Variants in TPP1 observed in about 807,000 individuals in gnomAD.
The protein encoded by TPP1 is tripeptidyl peptidase 1.
TPP1 carries 43 observed loss-of-function variants against 67.6 expected under a neutral mutation model. That is an observed-to-expected ratio of 0.64 (90% CI 0.50 to 0.82). TPP1 has a LOEUF of 0.82. Among genes scored for constraint, TPP1 ranks in the 40% least tolerant of loss-of-function variants. The pLI is 0.00. For missense variants in TPP1, 671 were observed against 710.9 expected (o/e 0.94, Z 0.64); for synonymous variants, 272 against 281.5 (o/e 0.97, Z 0.34).
In TPP1 at chr11:6,614,193, C is replaced by A; in HGVS notation, c.*353G>T. The A allele has an allele frequency of 3.0e-6, 1 of 333,290 alleles. No homozygotes were observed. Among genetic ancestry groups the A allele is most frequent in the Admixed American group, 4.3e-5 (1 of 23,016 alleles). The allele number at this position is 333,290 out of a possible 1,614,324, so 20.6% of individuals were successfully genotyped here. On this transcript the variant is annotated 3_prime_UTR_variant, in exon 13 of 13. Coordinates refer to ENST00000299427, the MANE Select transcript of TPP1 (RefSeq NM_000391.4). ...AACGGTGACAGTAGAGGTCTCCTTG[C>A]AGTGAATTGGGGAATGAATATCAAG...
At chr11:6,619,158 G>A (rs1217095692) in intron 2 of TPP1, 38 bp downstream of exon 2, 1 of 1,611,448 alleles carries the variant, frequency 6.2e-7, no homozygotes, top group South Asian at 1.1e-5. Context: ...GCAGAACAGG[G>A]TATGGGGAAG....
At chr11:6,619,305 T>A (rs1196973096) in intron 1 of TPP1, 38 bp from the exon 2 acceptor site, 1 of 1,614,044 alleles carries the variant, frequency 6.2e-7, no homozygotes, top group East Asian at 2.2e-5. Context: ...GGGAGCTACG[T>A]TGTCCTTGTG....
chr11:6,617,284 C>T lies in TPP1; in HGVS notation c.508+17G>A, dbSNP rs1413034880. The stretch of plus-strand genomic sequence containing the variant: ...GGATCTGTGTGCCCCAACCCCCATT[C>T]ACCCCATAGGTGTTACCAAAGTCCA... On this transcript the variant is annotated intron_variant, in intron 5 of 12. Coordinates refer to ENST00000299427, the MANE Select transcript of TPP1 (RefSeq NM_000391.4). 1.9e-6 allele frequency: 3 copies of T among 1,613,950 alleles called. No homozygotes were observed. Among genetic ancestry groups the T allele is most frequent in the Admixed American group, 1.7e-5 (1 of 60,000 alleles).
chr11:6,614,538 G>A lies in TPP1; in HGVS notation c.*8C>T. 6.2e-7 allele frequency: 1 copy of A among 1,614,170 alleles called. No individual in the cohort carries two copies. Among genetic ancestry groups the A allele is most frequent in the Non-Finnish European group, 8.5e-7 (1 of 1,180,032 alleles). On this transcript the variant is annotated 3_prime_UTR_variant, in exon 13 of 13. Coordinates refer to ENST00000299427, the MANE Select transcript of TPP1 (RefSeq NM_000391.4). ...AGGGGACAAGCCATCTCTCCTGATAGGAAAGGGTCAGGGGTTGAGTAGAGT... is the reference window on the plus strand; with the variant it reads ...AGGGGACAAGCCATCTCTCCTGATAAGAAAGGGTCAGGGGTTGAGTAGAGT...
chr11:6,614,007 G>C lies in TPP1; in HGVS notation c.*539C>G, dbSNP rs1257622882. On this transcript the variant is annotated 3_prime_UTR_variant, in exon 13 of 13. Coordinates refer to ENST00000299427, the MANE Select transcript of TPP1 (RefSeq NM_000391.4). The stretch of plus-strand genomic sequence containing the variant: ...AAGGTCAGCATTCCATGAAGAAGCA[G>C]AAATTGATGAGAGAGGAAGACAAGA... 1 of 162,228 alleles carries C rather than the reference G, an allele frequency of 6.2e-6. No homozygotes were observed. The highest frequency in any genetic ancestry group is 2.4e-5 in the African/African-American group (1 of 41,554). The allele number at this position is 162,228 out of a possible 1,614,324, so 10.0% of individuals were successfully genotyped here.
Position 6,613,098 on chromosome 11 carries a change from C to T in TPP1, c.*1448G>A, listed in dbSNP as rs1233562729. 2.6e-5 allele frequency: 4 copies of T among 152,298 alleles called. No individual in the cohort carries two copies. Among genetic ancestry groups the T allele is most frequent in the South Asian group, 2.1e-4 (1 of 4,828 alleles). The allele number at this position is 152,298 out of a possible 1,614,324, so 9.4% of individuals were successfully genotyped here. A position where few individuals can be genotyped will look rare whatever the true frequency, so the allele number is the denominator to read the frequency against. ...CACTTAACAGACGAGGAAACAGCCT[C>T]AGGGAGATAAGCTTACTTGACCCAG... is the stretch of plus-strand genomic sequence containing the variant. On this transcript the variant is annotated 3_prime_UTR_variant, in exon 13 of 13. Coordinates refer to ENST00000299427, the MANE Select transcript of TPP1 (RefSeq NM_000391.4).
At position 6,615,522 on chromosome 11, in the gene TPP1, G is replaced by A. The variant is rs766934252; in HGVS notation, c.1186C>T (p.Pro396Ser). The A allele has an allele frequency of 5.0e-6, 8 of 1,614,204 alleles. No homozygotes were observed. The highest frequency in any genetic ancestry group is 5.1e-6 in the Non-Finnish European group (6 of 1,180,038). The change falls in exon 10 of 13, where the codon CCT becomes TCT. Residue 396 changes from proline to serine, a missense_variant. Physicochemically the swap from Pro to Ser is moderately conservative, Grantham distance 74. Transcript: ENST00000299427. ...ACAATTTCATTTGTGATGAGGAAAG[G>A]TTCCTGGAAGGATGTGCCTCCCACT... ...TTVGGTSFQE[P>S]FLITNEIVDY...
At chr11:6,615,662 A>G (rs986568676) in intron 9 of TPP1, 100 bp from the exon 10 acceptor site, 5 of 1,484,506 alleles carry the variant, frequency 3.4e-6, no homozygotes, top group Admixed American at 1.7e-5. Context: ...TGGAGGAACT[A>G]GACTCTGTGG....
At position 6,618,889 on chromosome 11, in the gene TPP1, C is replaced by T. The variant is rs1183729779; in HGVS notation, c.116G>A (p.Gly39Asp). 2 of 1,613,556 alleles carry T rather than the reference C, an allele frequency of 1.2e-6. No individual in the cohort carries two copies. Among genetic ancestry groups the T allele is most frequent in the African/African-American group, 1.3e-5 (1 of 74,904 alleles). ...CAGCTCTTCCTCAGGGTCCGCACGG[C>T]CCAGGGACACCCAGCCTGGGGGCAG... is the stretch of plus-strand genomic sequence containing the variant. ...RTLPPGWVSL[G>D]RADPEEELSL... The change falls in exon 3 of 13, where the codon GGC (glycine) becomes GAC (aspartate). Residue 39 changes from glycine (G) to aspartate (D), a missense_variant. Transcript: ENST00000299427.
Position 6,615,514 on chromosome 11 carries a change from G to A in TPP1, c.1194C>T (p.Leu398=). The change falls in exon 10 of 13, where the codon CTC becomes CTT. Residue 398 remains leucine, a synonymous_variant. Coordinates refer to ENST00000299427, the MANE Select transcript of TPP1 (RefSeq NM_000391.4). ...VGGTSFQEPF[L]ITNEIVDYIS... is the part of the protein sequence containing the mutation. ...TATAGTCAACAATTTCATTTGTGAT[G>A]AGGAAAGGTTCCTGGAAGGATGTGC... 6.2e-7 allele frequency: 1 copy of A among 1,614,196 alleles called. No homozygotes were observed. The highest frequency in any genetic ancestry group is 8.5e-7 in the Non-Finnish European group (1 of 1,180,040).
Position 6,616,443 on chromosome 11 carries a change from G to T in TPP1, c.947C>A (p.Ala316Asp), listed in dbSNP as rs149463616. The change falls in exon 8 of 13, where the codon GCC becomes GAC. Residue 316 changes from alanine to aspartate, a missense_variant. By Grantham distance (126) the Ala-to-Asp change is moderately radical. Coordinates refer to ENST00000299427, the MANE Select transcript of TPP1 (RefSeq NM_000391.4). ...GCTCACAGTATGCACATGTGGCAGG[G>T]CTGACTCATTACTGAGCAGCATGAG... ...QWLMLLSNES[A>D]LPHVHTVSYG... 105 of 1,613,214 alleles carry T rather than the reference G, an allele frequency of 6.5e-5. No individual in the cohort carries two copies. In the Middle Eastern group the frequency reaches 9.9e-4, roughly 15 times the overall value.
rs751256397 is a variant in TPP1, at chr11:6,614,504, C to T, written c.*42G>A. 9.3e-5 allele frequency: 150 copies of T among 1,613,806 alleles called. No individual in the cohort carries two copies. The South Asian group carries it at 1.6e-3, about 17-fold the overall frequency. ...GCAGAATAAGGGACTGAACTGCCAG[C>T]TTCAGGGCAGGGGACAAGCCATCTC... On this transcript the variant is annotated 3_prime_UTR_variant, in exon 13 of 13. Coordinates refer to ENST00000299427, the MANE Select transcript of TPP1 (RefSeq NM_000391.4).
At chr11:6,615,071 ACATCTCTAAGGAGT>A (rs1855557469) in intron 11 of TPP1, 80 bp from the exon 12 acceptor site, 13 of 1,612,944 alleles carry the variant, frequency 8.1e-6, no homozygotes, top group Non-Finnish European at 1.1e-5. Flanking sequence ...AAAGTATCAG[ACATCTCTAAGGAGT>A]CAGGGGTTCT....
rs777551142 is a variant in TPP1, at chr11:6,615,438, G to A, written c.1266+4C>T. On this transcript the variant is annotated splice_donor_region_variant and intron_variant, in intron 10 of 12. Coordinates refer to ENST00000299427, the MANE Select transcript of TPP1 (RefSeq NM_000391.4). Reference sequence around the variant, plus strand: ...CCTGCATCCATCCACACAAACACACGTACCTGGTATGAAGGCCGTGGGAAC... The same window carrying A: ...CCTGCATCCATCCACACAAACACACATACCTGGTATGAAGGCCGTGGGAAC... 26 of 1,614,044 alleles carry A rather than the reference G, an allele frequency of 1.6e-5. No homozygotes were observed. Among genetic ancestry groups the A allele is most frequent in the East Asian group, 4.5e-5 (2 of 44,896 alleles).
intron 2 of TPP1, 83 bp from the exon 3 acceptor site, chr11:6,618,998 C>T: frequency 1.9e-6 from 3 of 1,591,652 alleles, no homozygotes; most frequent in Non-Finnish European, 1.7e-6. Flanking sequence ...AGATTAGGAG[C>T]TGAGACCTTG....
intron 2 of TPP1, 27 bp downstream of exon 2, chr11:6,619,169 G>C (rs887235158): frequency 6.2e-6 from 10 of 1,613,286 alleles, no homozygotes; most frequent in African/African-American, 5.3e-5. Flanking sequence ...TATGGGGAAG[G>C]GGGCAGTCTG....
chr11:6,615,797 G>T, intron 9 of TPP1: 1 of 786,102 alleles, frequency 1.3e-6, no homozygotes. Context: ...GGGAACTGAC[G>T]AAAAGGAACA....
intron 3 of TPP1, 39 bp downstream of exon 3, chr11:6,618,737 C>T (rs1855622740): frequency 1.2e-6 from 2 of 1,611,534 alleles, no homozygotes; most frequent in Admixed American, 1.7e-5. Context: ...TGTGTCCCTC[C>T]ACCGCATCCC....
At position 6,614,870 on chromosome 11, in the gene TPP1, A is replaced by G; in HGVS notation, c.1547T>C (p.Phe516Ser). 5.6e-6 allele frequency: 9 copies of G among 1,614,020 alleles called. No individual in the cohort carries two copies. Among genetic ancestry groups the G allele is most frequent in the Non-Finnish European group, 7.6e-6 (9 of 1,179,998 alleles). ...RLYQQHGAGL[F>S]DVTRGCHESC... ...ACCCTTCCCTTCCATACTTACATCA[A>G]AGAGTCCTGCCCCATGCTGCTGGTA... is the stretch of plus-strand genomic sequence containing the variant. Residue 516 changes from phenylalanine (F) to serine (S), a missense_variant, in exon 12 of 13, where the codon TTT becomes TCT. Physicochemically the swap from Phe to Ser is radical, Grantham distance 155. Coordinates refer to ENST00000299427, the MANE Select transcript of TPP1 (RefSeq NM_000391.4).
Sources: gnomAD v4.1 joint callset for allele counts on GRCh38, gnomAD v4.1.1 for gene constraint, MANE v1.5 for transcripts, NCBI Gene and HGNC (gene_info 2026-07-23, HGNC 2026-07-21) for gene names.